Variants in CCDC178 observed in about 807,000 individuals in gnomAD.
The protein encoded by CCDC178 is coiled-coil domain containing 178, also known as coiled-coil domain-containing protein 178.
In CCDC178, 126 loss-of-function variants were observed where a neutral mutation model predicts 117.4. The observed-to-expected ratio is 1.07, with a 90% CI of 0.93 to 1.24. CCDC178 has a LOEUF of 1.24. Ranked by LOEUF, CCDC178 falls within the 50% of genes most tolerant of loss-of-function variation. The pLI, the probability that CCDC178 is intolerant of heterozygous loss-of-function variation, is 0.00. For missense variants in CCDC178, 1,030 were observed against 986.9 expected (o/e 1.04, Z -0.59); for synonymous variants, 283 against 313.4 (o/e 0.90, Z 1.02).
chr18:33,312,181 T>C (rs1008538777), intron 11 of CCDC178, among the ~76,000 whole-genome samples: 10 of 152,154 alleles, frequency 6.6e-5, no homozygotes, highest in African/African-American at 2.4e-4. Context: ...ACTCTGTCCC[T>C]GAGTTGGATG....
chr18:33,186,039 G>T (rs1169180230), intron 20 of CCDC178, among the ~76,000 whole-genome samples: 5 of 151,916 alleles, frequency 3.3e-5, no homozygotes, highest in Admixed American at 2.6e-4. Flanking sequence ...CATCTATTCA[G>T]TCATGCCTCT....
intron 20 of CCDC178, among the ~76,000 whole-genome samples, chr18:33,120,994 C>T (rs1215227461): frequency 6.6e-6 from 1 of 151,846 alleles, no homozygotes; most frequent in African/African-American, 2.4e-5. Flanking sequence ...ATTTTAAAAG[C>T]CATATATGAG....
At chr18:33,219,265 G>A (rs2059203396) in intron 18 of CCDC178, among the ~76,000 whole-genome samples, 1 of 152,084 alleles carries the variant, frequency 6.6e-6, no homozygotes, top group African/African-American at 2.4e-5. Context: ...TCATTAAAAA[G>A]TCAGGAAACA....
chr18:33,144,555 C>T (rs569336036), intron 20 of CCDC178, among the ~76,000 whole-genome samples: 14 of 151,716 alleles, frequency 9.2e-5, no homozygotes, highest in South Asian at 2.1e-4. Context: ...TCATTATGTC[C>T]GGAGAGGAAG....
chr18:33,436,876 T>C (rs1007288582), intron 2 of CCDC178, among the ~76,000 whole-genome samples: 2 of 152,214 alleles, frequency 1.3e-5, no homozygotes, highest in Non-Finnish European at 2.9e-5. Flanking sequence ...CCAGTAGTTG[T>C]TACAGTCTGG....
chr18:33,064,508 A>G (rs1476506650), intron 21 of CCDC178, among the ~76,000 whole-genome samples: 1 of 152,224 alleles, frequency 6.6e-6, no homozygotes, highest in Non-Finnish European at 1.5e-5. Flanking sequence ...ACAAATCAAA[A>G]TCACAGTGAG....
chr18:33,279,655 A>G (rs563088577), intron 12 of CCDC178, among the ~76,000 whole-genome samples: 1 of 152,316 alleles, frequency 6.6e-6, no homozygotes, highest in East Asian at 1.9e-4. Flanking sequence ...GTCAATCCTA[A>G]GCCAAAAGAA....
At position 33,216,283 on chromosome 18, in the gene CCDC178, G is replaced by A. The variant is rs140359804; in HGVS notation, c.1933-588C>T. 2.3e-3 allele frequency among the ~76,000 whole-genome samples: 348 copies of A among 152,186 alleles called. 2 individuals are homozygous for A. Among genetic ancestry groups the A allele is most frequent in the African/African-American group, 7.7e-3 (319 of 41,532 alleles). ...TCACTGGTTTTCAAACATGTACAAA[G>A]TGCATTGGCAGGCGGACAAGGATAT... On this transcript the variant is annotated intron_variant, in intron 18 of 22. Transcript: ENST00000383096.
At chr18:33,378,434 T>C (rs900875642) in intron 5 of CCDC178, among the ~76,000 whole-genome samples, 3 of 152,076 alleles carry the variant, frequency 2.0e-5, no homozygotes, top group Non-Finnish European at 2.9e-5. Context: ...CTTTTATTTC[T>C]TTCTCTCACC....
At chr18:33,007,081 A>T (rs1157690841) in intron 21 of CCDC178, among the ~76,000 whole-genome samples, 1 of 152,128 alleles carries the variant, frequency 6.6e-6, no homozygotes, top group Non-Finnish European at 1.5e-5. Context: ...TTTGTTACAC[A>T]GCAATAGAAA....
At chr18:33,114,822 G>A (rs1567997234) in intron 20 of CCDC178, among the ~76,000 whole-genome samples, 1 of 152,036 alleles carries the variant, frequency 6.6e-6, no homozygotes, top group Non-Finnish European at 1.5e-5. Flanking sequence ...GAGAAGTGGA[G>A]GGATGAGAGA....
chr18:33,375,377 T>A (rs2144774412), intron 5 of CCDC178, among the ~76,000 whole-genome samples: 1 of 152,272 alleles, frequency 6.6e-6, no homozygotes, highest in South Asian at 2.1e-4. Context: ...GCTTAACTCT[T>A]AACTAAACAG....
intron 21 of CCDC178, among the ~76,000 whole-genome samples, chr18:33,050,768 G>T (rs1431121283): frequency 6.6e-6 from 1 of 152,116 alleles, no homozygotes; most frequent in Non-Finnish European, 1.5e-5. Flanking sequence ...CACCAGAAAG[G>T]TCATCAAGAA....
At position 32,937,788 on chromosome 18, in the gene CCDC178, G is replaced by A. The variant is rs2054151746; in HGVS notation, c.*223C>T. ...AGCCAATTGCAATCAGTCACCCAGA[G>A]CTGAAATTAGATCGTTCCTGACAGC... is the stretch of plus-strand genomic sequence containing the variant. On this transcript the variant is annotated 3_prime_UTR_variant, in exon 23 of 23. Coordinates refer to ENST00000383096, the MANE Select transcript of CCDC178 (RefSeq NM_001105528.4). 2.0e-6 allele frequency: 1 copy of A among 494,600 alleles called. No individual in the cohort carries two copies. The highest frequency in any genetic ancestry group is 3.3e-5 in the South Asian group (1 of 30,154). The allele number at this position is 494,600 out of a possible 1,614,324, so 30.6% of individuals were successfully genotyped here.
intron 11 of CCDC178, among the ~76,000 whole-genome samples, chr18:33,315,255 C>CA (rs1045708337): frequency 1.3e-5 from 2 of 151,812 alleles, no homozygotes; most frequent in African/African-American, 4.8e-5. Context: ...TATCTCTTGG[C>CA]AAAAAAAGGT....
At chr18:33,252,121 G>A (rs1369392716) in intron 14 of CCDC178, among the ~76,000 whole-genome samples, 1 of 151,700 alleles carries the variant, frequency 6.6e-6, no homozygotes, top group Non-Finnish European at 1.5e-5. Flanking sequence ...TCTGAAAGCG[G>A]ATAATTAAAA....
At position 33,190,987 on chromosome 18, in the gene CCDC178, T is replaced by C. The variant is rs1410570071; in HGVS notation, c.2238+20909A>G. On this transcript the variant is annotated intron_variant, in intron 20 of 22. Transcript: ENST00000383096. Reference sequence around the variant, plus strand: ...CTTCTCACTTGCTCATATTATCTCATTTTTAAGGCATGATATTCAACTATG... The same window carrying C: ...CTTCTCACTTGCTCATATTATCTCACTTTTAAGGCATGATATTCAACTATG... Among the ~76,000 whole-genome samples, 74 of 152,208 alleles carry C rather than the reference T, an allele frequency of 4.9e-4. 1 individual carries two copies. The highest frequency in any genetic ancestry group is 1.5e-5 in the Non-Finnish European group (1 of 68,022).
intron 9 of CCDC178, among the ~76,000 whole-genome samples, chr18:33,334,737 T>C (rs1419478069): frequency 6.6e-6 from 1 of 152,072 alleles, no homozygotes; most frequent in Non-Finnish European, 1.5e-5. Flanking sequence ...TGATTTCTTT[T>C]CTCTAAGATG....
At chr18:33,195,591 T>C (rs1021556477) in intron 20 of CCDC178, among the ~76,000 whole-genome samples, 14 of 152,170 alleles carry the variant, frequency 9.2e-5, no homozygotes, top group Admixed American at 7.9e-4. Flanking sequence ...AGTCTTACCA[T>C]TCAGATGCAT....
Sources: allele counts gnomAD v4.1 joint callset (sites outside exome capture counted in the v4.1 genomes callset), GRCh38; gene constraint gnomAD v4.1.1; transcripts MANE v1.5; gene names NCBI Gene and HGNC (gene_info 2026-07-23, HGNC 2026-07-21).